Variants in DGKG observed in about 807,000 individuals in gnomAD.
DGKG encodes the protein diacylglycerol kinase gamma.
Under a neutral mutation model 105.3 loss-of-function variants are expected in DGKG, and 78 were observed. The ratio of observed to expected loss-of-function variants is 0.74; its 90% CI spans 0.62 to 0.89. The LOEUF is 0.89. Ranked by LOEUF, DGKG falls within the 40% of genes least tolerant of loss-of-function variation. The pLI is 0.00. For missense variants in DGKG, 958 were observed against 1,020.1 expected, an observed-to-expected ratio of 0.94 and a Z score of 0.83; for synonymous variants, 346 against 367.1, an observed-to-expected ratio of 0.94 and a Z score of 0.66.
chr3:186,264,086 A>G (rs1721923114), intron 14 of DGKG, among the ~76,000 whole-genome samples: 1 of 152,212 alleles, frequency 6.6e-6, no homozygotes, highest in Non-Finnish European at 1.5e-5. Context: ...GCTCTGCCCC[A>G]TCAGAACAGA....
chr3:186,185,795 G>A (rs1324509068), intron 22 of DGKG, among the ~76,000 whole-genome samples: 1 of 152,030 alleles, frequency 6.6e-6, no homozygotes, highest in Non-Finnish European at 1.5e-5. Context: ...GAAATAAAGG[G>A]GACTTAAGGG....
chr3:186,356,863 T>A (rs1351464020), intron 1 of DGKG, among the ~76,000 whole-genome samples: 1 of 152,206 alleles, frequency 6.6e-6, no homozygotes, highest in African/African-American at 2.4e-5. Context: ...TTGACTGGTC[T>A]GCTCTTGTAG....
intron 1 of DGKG, among the ~76,000 whole-genome samples, chr3:186,355,285 T>C (rs1445538419): frequency 2.4e-3 from 60 of 24,842 alleles, no homozygotes; most frequent in East Asian, 0.011. Flanking sequence ...AGCACGATCA[T>C]CATCACCACC....
At chr3:186,166,820 C>T (rs1716570907) in intron 22 of DGKG, among the ~76,000 whole-genome samples, 1 of 152,074 alleles carries the variant, frequency 6.6e-6, no homozygotes, top group South Asian at 2.1e-4. Context: ...GTGGCAGAGA[C>T]AGATGTCTTG....
intron 22 of DGKG, among the ~76,000 whole-genome samples, chr3:186,173,070 T>C (rs896784299): frequency 6.6e-6 from 1 of 152,220 alleles, no homozygotes; most frequent in African/African-American, 2.4e-5. Context: ...CATATGGACC[T>C]TGGTGTTTCT....
chr3:186,273,670 C>G (rs568066985), intron 10 of DGKG, among the ~76,000 whole-genome samples: 15 of 152,132 alleles, frequency 9.9e-5, no homozygotes, highest in African/African-American at 3.6e-4. Context: ...CCGCGCCAGG[C>G]CTGGCGGACC....
At chr3:186,219,561 TG>T (rs1314134487) in intron 20 of DGKG, among the ~76,000 whole-genome samples, 1 of 152,188 alleles carries the variant, frequency 6.6e-6, no homozygotes, top group Non-Finnish European at 1.5e-5. Context: ...GTTGGCTCGA[TG>T]TGTTTCAGCT....
chr3:186,197,797 G>A (rs1718257138), intron 21 of DGKG, among the ~76,000 whole-genome samples: 2 of 152,274 alleles, frequency 1.3e-5, no homozygotes, highest in Admixed American at 1.3e-4. Context: ...GTTTTCTGCT[G>A]TACACGCTGC....
chr3:186,237,483 C>T (rs1021410534), intron 20 of DGKG, among the ~76,000 whole-genome samples: 1 of 152,102 alleles, frequency 6.6e-6, no homozygotes, highest in Non-Finnish European at 1.5e-5. Context: ...TGTTCTCCTC[C>T]CCTTTGGAAC....
intron 22 of DGKG, among the ~76,000 whole-genome samples, chr3:186,177,553 G>T (rs1717144734): frequency 6.6e-6 from 1 of 152,164 alleles, no homozygotes; most frequent in South Asian, 2.1e-4. Context: ...TGCTCATTAT[G>T]CCAATATTAA....
At chr3:186,359,927 A>T (rs1328319040) in intron 1 of DGKG, among the ~76,000 whole-genome samples, 3 of 152,220 alleles carry the variant, frequency 2.0e-5, no homozygotes, top group Non-Finnish European at 4.4e-5. Flanking sequence ...TATACATTTT[A>T]AAAGTTTTAA....
At chr3:186,190,283 C>G (rs1457879878) in intron 21 of DGKG, among the ~76,000 whole-genome samples, 1 of 152,174 alleles carries the variant, frequency 6.6e-6, no homozygotes. Flanking sequence ...CAGATCTTTT[C>G]CCATCCCGGC....
At chr3:186,186,338 AC>A (rs1329137998) in intron 22 of DGKG, among the ~76,000 whole-genome samples, 2 of 152,194 alleles carry the variant, frequency 1.3e-5, no homozygotes, top group East Asian at 3.9e-4. Context: ...ACATCAAAGC[AC>A]ACAGACGCAG....
chr3:186,223,667 A>C (rs1261071577), intron 20 of DGKG, among the ~76,000 whole-genome samples: 1 of 152,200 alleles, frequency 6.6e-6, no homozygotes, highest in Non-Finnish European at 1.5e-5. Context: ...GCCTGAGAAG[A>C]CTGCGGTAGA....
At chr3:186,164,075 T>G (rs904173363) in intron 23 of DGKG, among the ~76,000 whole-genome samples, 2 of 152,174 alleles carry the variant, frequency 1.3e-5, no homozygotes, top group Non-Finnish European at 2.9e-5. Context: ...CAGAGTTTCT[T>G]CCAATGTGCT....
At chr3:186,244,136 C>T (rs979468525) in intron 19 of DGKG, among the ~76,000 whole-genome samples, 10 of 151,806 alleles carry the variant, frequency 6.6e-5, no homozygotes, top group African/African-American at 1.7e-4. Context: ...GTGATCTGCC[C>T]GCCTCGGCCT....
intron 22 of DGKG, among the ~76,000 whole-genome samples, chr3:186,173,221 C>T (rs562840184): frequency 1.3e-5 from 2 of 152,326 alleles, no homozygotes; most frequent in African/African-American, 4.8e-5. Flanking sequence ...GGGGTTAGGG[C>T]TTCTTTGACG....
Position 186,251,429 on chromosome 3 carries a change from C to G in DGKG, c.1761+330G>C, listed in dbSNP as rs139405608. ...GTGAGAGTTTCCTACCAACCTTGTC[C>G]CCCGGTTATTTCTTGGTGTTGCTTT... is the stretch of plus-strand genomic sequence containing the variant. On this transcript the variant is annotated intron_variant, in intron 19 of 24. Coordinates refer to ENST00000265022, the MANE Select transcript of DGKG (RefSeq NM_001346.3). Among the ~76,000 whole-genome samples the G allele has an allele frequency of 1.6e-3, 242 of 152,232 alleles. 2 individuals are homozygous for G. The highest frequency in any genetic ancestry group is 5.5e-3 in the African/African-American group (228 of 41,532).
chr3:186,250,162 T>C (rs1721138577), intron 19 of DGKG, among the ~76,000 whole-genome samples: 1 of 152,134 alleles, frequency 6.6e-6, no homozygotes, highest in Non-Finnish European at 1.5e-5. Context: ...AGCAGGATAA[T>C]GATACCTGCA....
Sources: gnomAD v4.1 joint callset for allele counts (sites outside exome capture counted in the v4.1 genomes callset) on GRCh38, gnomAD v4.1.1 for gene constraint, MANE v1.5 for transcripts, NCBI Gene and HGNC (gene_info 2026-07-23, HGNC 2026-07-21) for gene names.